The following PRKCE variants were observed in gnomAD, a reference collection of about 807,000 sequenced individuals.
PRKCE encodes the protein protein kinase C epsilon.
In PRKCE, 16 loss-of-function variants were observed where a neutral mutation model predicts 85.4. The observed-to-expected ratio is 0.19, with a 90% confidence interval of 0.13 to 0.28. The LOEUF is 0.28. Among genes scored for constraint, PRKCE ranks in the 10% least tolerant of loss-of-function variants. PRKCE has a pLI of 1.00. For missense variants in PRKCE, 573 were observed against 975.2 expected (o/e 0.59, Z 5.49); for synonymous variants, 388 against 371.5 (o/e 1.04, Z -0.51).
At chr2:45,874,284 G>T (rs892677152) in intron 2 of PRKCE, among the ~76,000 whole-genome samples, 1 of 152,226 alleles carries the variant, frequency 6.6e-6, no homozygotes, top group Non-Finnish European at 1.5e-5. Context: ...TGGTCAACAT[G>T]CTGGATCCCA....
intron 2 of PRKCE, among the ~76,000 whole-genome samples, chr2:45,883,722 G>T (rs1342882105): frequency 6.6e-6 from 1 of 152,182 alleles, no homozygotes; most frequent in East Asian, 1.9e-4. Context: ...GGAAGAGGTT[G>T]TCCTCCCCGC....
chr2:46,030,156 C>T (rs935072129), intron 10 of PRKCE, among the ~76,000 whole-genome samples: 2 of 152,192 alleles, frequency 1.3e-5, no homozygotes, highest in South Asian at 2.1e-4. Context: ...CTGCTGTCTC[C>T]ATAGTCTAAG....
chr2:46,086,849 C>G (rs1486644654), intron 11 of PRKCE, among the ~76,000 whole-genome samples: 6 of 152,128 alleles, frequency 3.9e-5, no homozygotes, highest in African/African-American at 1.2e-4. Context: ...GGGTGGGGAA[C>G]AAGGAATGGG....
At chr2:46,055,398 C>G (rs541732521) in intron 10 of PRKCE, among the ~76,000 whole-genome samples, 4 of 152,354 alleles carry the variant, frequency 2.6e-5, no homozygotes, top group African/African-American at 9.6e-5. Flanking sequence ...CTGGCTAGTT[C>G]TAGCGCCCGT....
At chr2:45,958,490 CAG>C (rs1307169501) in intron 2 of PRKCE, among the ~76,000 whole-genome samples, 1 of 140,958 alleles carries the variant, frequency 7.1e-6, no homozygotes, top group Non-Finnish European at 1.5e-5. Context: ...GCCTGGCTGA[CAG>C]AGGGAGACTC....
At chr2:45,736,637 G>A (rs921763392) in intron 1 of PRKCE, among the ~76,000 whole-genome samples, 1 of 152,208 alleles carries the variant, frequency 6.6e-6, no homozygotes, top group African/African-American at 2.4e-5. Flanking sequence ...TCTACCATGT[G>A]TTGTGGTTCG....
chr2:45,939,248 G>A (rs1050115871), intron 2 of PRKCE, among the ~76,000 whole-genome samples: 1 of 152,196 alleles, frequency 6.6e-6, no homozygotes, highest in Admixed American at 6.5e-5. Flanking sequence ...TGTTATTGAA[G>A]ACCTTAGGCA....
At chr2:45,953,516 C>T (rs527527429) in intron 2 of PRKCE, among the ~76,000 whole-genome samples, 112 of 152,322 alleles carry the variant, frequency 7.4e-4, no homozygotes, top group Middle Eastern at 3.4e-3. Flanking sequence ...AATACCCAAC[C>T]GTGGGCTGTG....
At chr2:46,031,625 TG>T (rs1346166158) in intron 10 of PRKCE, among the ~76,000 whole-genome samples, 6 of 143,284 alleles carry the variant, frequency 4.2e-5, no homozygotes, top group East Asian at 1.9e-4. Flanking sequence ...TGTGTGTGTG[TG>T]TGTGTGTGTA....
intron 2 of PRKCE, among the ~76,000 whole-genome samples, chr2:45,951,469 G>GC (rs1700615743): frequency 6.6e-6 from 1 of 152,110 alleles, no homozygotes; most frequent in South Asian, 2.1e-4. Context: ...TGTGTCCATG[G>GC]CCCCCACTCC....
In PRKCE at chr2:45,771,702, C is replaced by CGCGTGT. The variant is rs1553406530; in HGVS notation, c.349-71297_349-71296insCGTGTG. On this transcript the variant is annotated intron_variant, in intron 1 of 14. Transcript: ENST00000306156. The stretch of plus-strand genomic sequence containing the variant: ...CGTGGAGTGACTCTACAGAGTGGGG[C>CGCGTGT]GTGTGTGTGTGTGTGTGTGTGTGTG... Among the ~76,000 whole-genome samples, 13 of 146,916 alleles carry CGCGTGT rather than the reference C, an allele frequency of 8.8e-5. 1 individual carries two copies. In the East Asian group the frequency reaches 2.4e-3, roughly 28 times the overall value.
chr2:46,099,665 T>C (rs1357810001), intron 11 of PRKCE, among the ~76,000 whole-genome samples: 2 of 152,172 alleles, frequency 1.3e-5, no homozygotes, highest in East Asian at 3.9e-4. Flanking sequence ...ATTGCAACTA[T>C]TTCTTGGTTG....
At chr2:45,707,047 A>C (rs1025653260) in intron 1 of PRKCE, among the ~76,000 whole-genome samples, 3 of 152,242 alleles carry the variant, frequency 2.0e-5, no homozygotes, top group African/African-American at 7.2e-5. Context: ...GGTCTTGGCC[A>C]ACTCTGGAAT....
Position 45,911,250 on chromosome 2 carries a change from C to T in PRKCE, c.413-65179C>T, listed in dbSNP as rs145267733. On this transcript the variant is annotated intron_variant, in intron 2 of 14. Transcript: ENST00000306156. ...GGGTTTATTTTTAAGTTGTTTTTTCCCACTGACACCTGTCTAGCCCCACTG... is the reference window on the plus strand; with the variant it reads ...GGGTTTATTTTTAAGTTGTTTTTTCTCACTGACACCTGTCTAGCCCCACTG... Among the ~76,000 whole-genome samples, 396 of 152,268 alleles carry T rather than the reference C, an allele frequency of 2.6e-3. 4 individuals carry two copies. The highest frequency in any genetic ancestry group is 9.1e-3 in the African/African-American group (379 of 41,562).
chr2:45,877,956 A>G (rs1266833124), intron 2 of PRKCE, among the ~76,000 whole-genome samples: 1 of 152,226 alleles, frequency 6.6e-6, no homozygotes, highest in African/African-American at 2.4e-5. Context: ...TGGACTCCTC[A>G]TTCATCATGA....
chr2:45,870,131 A>G (rs898234814), intron 2 of PRKCE, among the ~76,000 whole-genome samples: 33 of 152,232 alleles, frequency 2.2e-4, no homozygotes, highest in Middle Eastern at 3.4e-3. Context: ...CATTGCAGCT[A>G]CCTCTGAAGG....
intron 11 of PRKCE, among the ~76,000 whole-genome samples, chr2:46,115,815 C>T (rs549731749): frequency 5.3e-5 from 8 of 152,300 alleles, no homozygotes; most frequent in East Asian, 3.9e-4. Flanking sequence ...CCAGGTACCC[C>T]GGGGAACTCG....
rs144002385 is a variant in PRKCE at position 45,754,363 on chromosome 2, A to G, written c.349-88637A>G. ...AACTGTTAGAATATGTTTACAGAAC[A>G]GATATGTTGCCTGGGGTAAGAAGAG... On this transcript the variant is annotated intron_variant, in intron 1 of 14. Transcript: ENST00000306156. 7.2e-5 allele frequency among the ~76,000 whole-genome samples: 11 copies of G among 152,374 alleles called. No homozygotes were observed. The East Asian group carries it at 1.9e-3, about 27-fold the overall frequency.
At chr2:45,818,995 A>G (rs1203334986) in intron 1 of PRKCE, among the ~76,000 whole-genome samples, 1 of 152,160 alleles carries the variant, frequency 6.6e-6, no homozygotes, top group Non-Finnish European at 1.5e-5. Context: ...GTAGGGAGGA[A>G]AAAGGATTTG....
Sources: gnomAD v4.1 joint callset for allele counts (sites outside exome capture counted in the v4.1 genomes callset) on GRCh38, gnomAD v4.1.1 for gene constraint, MANE v1.5 for transcripts, NCBI Gene and HGNC (gene_info 2026-07-23, HGNC 2026-07-21) for gene names.